The following THSD7B variants were observed in gnomAD, a reference collection of about 807,000 sequenced individuals.
The protein encoded by THSD7B is thrombospondin type 1 domain containing 7B, also known as thrombospondin type-1 domain-containing protein 7B.
THSD7B carries 138 observed loss-of-function variants against 213.6 expected under a neutral mutation model. The ratio of observed to expected loss-of-function variants is 0.65; its 90% CI spans 0.56 to 0.74. THSD7B has a LOEUF of 0.74. Among genes scored for constraint, THSD7B ranks in the 30% least tolerant of loss-of-function variants. THSD7B has a pLI of 0.00. For missense variants in THSD7B, 1,931 were observed against 1,991.5 expected (o/e 0.97, Z 0.58); for synonymous variants, 742 against 687.0 (o/e 1.08, Z -1.25).
chr2:137,359,770 T>C (rs1685212651), intron 12 of THSD7B, among the ~76,000 whole-genome samples: 1 of 152,200 alleles, frequency 6.6e-6, no homozygotes, highest in Non-Finnish European at 1.5e-5. Context: ...GATACCTCTT[T>C]TGTTCTCTTT....
At chr2:137,071,654 T>C (rs868333184) in intron 3 of THSD7B, among the ~76,000 whole-genome samples, 24 of 152,040 alleles carry the variant, frequency 1.6e-4, no homozygotes, top group African/African-American at 5.1e-4. Flanking sequence ...CTGAATGGTA[T>C]TGCCTAGGTT....
intron 12 of THSD7B, among the ~76,000 whole-genome samples, chr2:137,288,042 G>A (rs1047519086): frequency 3.3e-5 from 5 of 152,168 alleles, no homozygotes; most frequent in African/African-American, 4.8e-5. Flanking sequence ...GGGTATTCAC[G>A]TCTGTTTATG....
rs150863504 is a variant in THSD7B at position 136,949,435 on chromosome 2, G to A, written c.139+67118G>A. Among the ~76,000 whole-genome samples the A allele has an allele frequency of 2.2e-4, 34 of 152,324 alleles. No individual in the cohort carries two copies. The East Asian group carries it at 6.2e-3, about 28-fold the overall frequency. ...GATGAAATGCATTTGAAGCCAGCTGGACTTGTTTGAAGCCACTGAAATTTC... is the reference window on the plus strand; with the variant it reads ...GATGAAATGCATTTGAAGCCAGCTGAACTTGTTTGAAGCCACTGAAATTTC... On this transcript the variant is annotated intron_variant, in intron 2 of 27. Transcript: ENST00000409968.
At chr2:137,363,433 A>G (rs1001327259) in intron 12 of THSD7B, among the ~76,000 whole-genome samples, 11 of 152,328 alleles carry the variant, frequency 7.2e-5, no homozygotes, top group African/African-American at 2.4e-4. Flanking sequence ...CTTCAAAAAA[A>G]TCAATGAATC....
intron 14 of THSD7B, 147 bp from the exon 15 acceptor site, chr2:137,450,697 AT>A: frequency 1.9e-6 from 1 of 529,372 alleles, no homozygotes; most frequent in Middle Eastern, 4.5e-4. Flanking sequence ...ATTTCTTAAA[AT>A]TTTGGTCTGT....
intron 20 of THSD7B, among the ~76,000 whole-genome samples, chr2:137,638,823 C>T (rs1359924150): frequency 6.6e-6 from 1 of 152,066 alleles, no homozygotes; most frequent in Non-Finnish European, 1.5e-5. Context: ...TGCCCCTGCC[C>T]TAGAGATTTG....
intron 1 of THSD7B, among the ~76,000 whole-genome samples, chr2:136,873,280 A>AT (rs1683471761): frequency 6.6e-6 from 1 of 152,096 alleles, no homozygotes; most frequent in East Asian, 1.9e-4. Flanking sequence ...GACACATGTG[A>AT]TTGTATACTT....
At chr2:136,808,791 G>A (rs1175631816) in intron 1 of THSD7B, among the ~76,000 whole-genome samples, 1 of 152,184 alleles carries the variant, frequency 6.6e-6, no homozygotes, top group East Asian at 1.9e-4. Flanking sequence ...AGCTACCTGA[G>A]GTCGTCTGGT....
intron 15 of THSD7B, among the ~76,000 whole-genome samples, chr2:137,527,926 T>C (rs1240122889): frequency 6.6e-6 from 1 of 152,034 alleles, no homozygotes; most frequent in African/African-American, 2.4e-5. Context: ...TCTAGAGTCA[T>C]TATTTTTGTT....
chr2:137,069,859 A>G (rs1687448036), intron 3 of THSD7B, among the ~76,000 whole-genome samples: 1 of 150,584 alleles, frequency 6.6e-6, no homozygotes, highest in Non-Finnish European at 1.5e-5. Flanking sequence ...TAAAATATAT[A>G]ACTATACATA....
chr2:137,330,077 G>GT (rs1210394886), intron 12 of THSD7B, among the ~76,000 whole-genome samples: 1 of 152,232 alleles, frequency 6.6e-6, no homozygotes, highest in East Asian at 1.9e-4. Context: ...TCCATGTAGT[G>GT]TTGGGTATGC....
chr2:137,097,831 G>A (rs528872705), intron 4 of THSD7B, among the ~76,000 whole-genome samples: 159 of 150,386 alleles, frequency 1.1e-3, no homozygotes, highest in African/African-American at 3.7e-3. Flanking sequence ...TGAAGCTGTA[G>A]GAAATAGGAG....
At chr2:137,025,311 A>G (rs1208636030) in intron 2 of THSD7B, among the ~76,000 whole-genome samples, 3 of 152,124 alleles carry the variant, frequency 2.0e-5, no homozygotes, top group African/African-American at 7.2e-5. Flanking sequence ...AGATTTTGCC[A>G]GACGTTTTTC....
Position 136,820,629 on chromosome 2 carries a change from T to C in THSD7B, c.-36+54942T>C, listed in dbSNP as rs572372116. On this transcript the variant is annotated intron_variant, in intron 1 of 27. Transcript: ENST00000409968. Reference sequence around the variant, plus strand: ...ACAAATGAAATGTGTGGTCCTAGATTAGAAAAAAATGCTATGAAGGTCATT... The same window carrying C: ...ACAAATGAAATGTGTGGTCCTAGATCAGAAAAAAATGCTATGAAGGTCATT... Among the ~76,000 whole-genome samples, 9 of 152,182 alleles carry C rather than the reference T, an allele frequency of 5.9e-5. No individual in the cohort carries two copies. In the South Asian group the frequency reaches 1.9e-3, roughly 32 times the overall value.
chr2:136,862,862 T>G (rs1299212715), intron 1 of THSD7B, among the ~76,000 whole-genome samples: 3 of 152,220 alleles, frequency 2.0e-5, no homozygotes, highest in Non-Finnish European at 4.4e-5. Flanking sequence ...TTGCCCTGTT[T>G]TCTACTTTCA....
intron 15 of THSD7B, among the ~76,000 whole-genome samples, chr2:137,557,465 C>T (rs1265538723): frequency 6.6e-6 from 1 of 152,084 alleles, no homozygotes; most frequent in East Asian, 1.9e-4. Context: ...TGAATGAATA[C>T]TGGGTACATA....
chr2:136,909,782 T>G (rs1360394645), intron 2 of THSD7B, among the ~76,000 whole-genome samples: 1 of 152,240 alleles, frequency 6.6e-6, no homozygotes, highest in Non-Finnish European at 1.5e-5. Flanking sequence ...TGCTTCCATA[T>G]TTGTAATATG....
intron 9 of THSD7B, among the ~76,000 whole-genome samples, chr2:137,234,631 G>A (rs1055114164): frequency 1.3e-5 from 2 of 152,142 alleles, no homozygotes; most frequent in Non-Finnish European, 2.9e-5. Flanking sequence ...CTGGGATTGG[G>A]TGTTCTTTCT....
chr2:136,775,651 G>A (rs1681587938), intron 1 of THSD7B, among the ~76,000 whole-genome samples: 1 of 152,184 alleles, frequency 6.6e-6, no homozygotes, highest in Non-Finnish European at 1.5e-5. Context: ...TGCCTGCATA[G>A]GGCTCCCAAT....
Sources: allele counts gnomAD v4.1 joint callset (sites outside exome capture counted in the v4.1 genomes callset), GRCh38; gene constraint gnomAD v4.1.1; transcripts MANE v1.5; gene names NCBI Gene and HGNC (gene_info 2026-07-23, HGNC 2026-07-21).